Variants in DYNC1I1 observed in about 807,000 individuals in gnomAD.
DYNC1I1 encodes dynein cytoplasmic 1 intermediate chain 1.
Under a neutral mutation model 86.6 loss-of-function variants are expected in DYNC1I1, and 43 were observed. The ratio of observed to expected loss-of-function variants is 0.50; its 90% CI spans 0.39 to 0.64. The LOEUF (loss-of-function observed/expected upper bound fraction) is 0.64. Ranked by LOEUF, DYNC1I1 falls within the 30% of genes least tolerant of loss-of-function variation. DYNC1I1 has a pLI of 0.00. For synonymous variants in DYNC1I1, 262 were observed against 283.7 expected (o/e 0.92, Z 0.77); for missense variants, 604 against 788.8 (o/e 0.77, Z 2.81).
At chr7:95,903,623 C>A (rs75568996) in intron 6 of DYNC1I1, among the ~76,000 whole-genome samples, 1 of 152,172 alleles carries the variant, frequency 6.6e-6, no homozygotes, top group African/African-American at 2.4e-5. Flanking sequence ...GAAATGATAT[C>A]ATTTTATTAG....
Position 95,772,586 on chromosome 7 carries a change from G to A in DYNC1I1, c.-197G>A, listed in dbSNP as rs903729101. On this transcript the variant is annotated 5_prime_UTR_variant, in exon 1 of 17. Coordinates refer to ENST00000447467, the MANE Select transcript of DYNC1I1 (RefSeq NM_001135556.2). ...GTGCTCCGGGGAGCTGTCAGTGTCA[G>A]GCTCTGGGAGAGAGGAAGTGATCGC... 1 of 152,210 alleles carries A rather than the reference G, an allele frequency of 6.6e-6. No homozygotes were observed. Among genetic ancestry groups the A allele is most frequent in the African/African-American group, 2.4e-5 (1 of 41,442 alleles). The allele number at this position is 152,210 out of a possible 1,614,324, so 9.4% of individuals were successfully genotyped here. A position where few individuals can be genotyped will look rare whatever the true frequency, so the allele number is the denominator to read the frequency against.
intron 4 of DYNC1I1, among the ~76,000 whole-genome samples, chr7:95,820,775 G>A (rs770971950): frequency 1.1e-4 from 16 of 152,204 alleles, no homozygotes; most frequent in Non-Finnish European, 1.6e-4. Context: ...ACAGGGTCTC[G>A]CTATGTTACC....
intron 5 of DYNC1I1, among the ~76,000 whole-genome samples, chr7:95,850,458 A>G (rs1789547356): frequency 6.6e-6 from 1 of 152,176 alleles, no homozygotes; most frequent in Non-Finnish European, 1.5e-5. Flanking sequence ...ATCTATTGAA[A>G]TGATCATAAA....
At chr7:95,966,538 T>G (rs1793018248) in intron 6 of DYNC1I1, among the ~76,000 whole-genome samples, 1 of 152,200 alleles carries the variant, frequency 6.6e-6, no homozygotes, top group Non-Finnish European at 1.5e-5. Context: ...TGTTCGGTAC[T>G]GTTTAGCTGT....
chr7:95,794,206 T>C (rs571215973), intron 1 of DYNC1I1, among the ~76,000 whole-genome samples: 1 of 152,334 alleles, frequency 6.6e-6, no homozygotes, highest in African/African-American at 2.4e-5. Context: ...TCCTTTCTTC[T>C]GATTCTGTTT....
chr7:96,022,320 A>G (rs1794572512), intron 10 of DYNC1I1, among the ~76,000 whole-genome samples: 1 of 152,192 alleles, frequency 6.6e-6, no homozygotes, highest in South Asian at 2.1e-4. Context: ...ATTCCAAGGA[A>G]TTCTCAGAAA....
At chr7:95,825,215 A>T (rs1795178963) in intron 4 of DYNC1I1, among the ~76,000 whole-genome samples, 1 of 152,214 alleles carries the variant, frequency 6.6e-6, no homozygotes, top group South Asian at 2.1e-4. Flanking sequence ...TTTTAAGTGG[A>T]TGATTTGATA....
chr7:95,967,921 G>C (rs921134049), intron 6 of DYNC1I1, among the ~76,000 whole-genome samples: 29 of 152,270 alleles, frequency 1.9e-4, no homozygotes, highest in Non-Finnish European at 3.1e-4. Context: ...TGCTTGTGCG[G>C]GGGTGAACAC....
intron 1 of DYNC1I1, among the ~76,000 whole-genome samples, chr7:95,786,000 TC>T (rs1794135605): frequency 6.6e-6 from 1 of 152,058 alleles, no homozygotes; most frequent in African/African-American, 2.4e-5. Context: ...AAGTGTTAAT[TC>T]CAGTAGTTTG....
chr7:95,841,324 C>A (rs1413537530), intron 5 of DYNC1I1, among the ~76,000 whole-genome samples: 1 of 152,078 alleles, frequency 6.6e-6, no homozygotes, highest in Non-Finnish European at 1.5e-5. Flanking sequence ...CTGTTAGCTC[C>A]AAGAAACAGG....
chr7:95,974,859 C>A (rs1362596133), intron 6 of DYNC1I1, among the ~76,000 whole-genome samples: 1 of 152,158 alleles, frequency 6.6e-6, no homozygotes, highest in African/African-American at 2.4e-5. Flanking sequence ...GCAAGTCCAC[C>A]TCAAAAAGTC....
At position 96,032,732 on chromosome 7, in the gene DYNC1I1, T is replaced by C. The variant is rs1396844516; in HGVS notation, c.1182T>C (p.Thr394=). Residue 394 remains threonine (T), a synonymous_variant, in exon 12 of 17, where the codon ACT becomes ACC. Transcript: ENST00000447467. Reference sequence around the variant, plus strand: ...CTCATAACCTCATCACTGTCTCCACTGATGGCAAAATGTGTTCCTGGAGCC... The same window carrying C: ...CTCATAACCTCATCACTGTCTCCACCGATGGCAAAATGTGTTCCTGGAGCC... ...QNAHNLITVS[T]DGKMCSWSLD... 1 of 1,613,776 alleles carries C rather than the reference T, an allele frequency of 6.2e-7. No individual in the cohort carries two copies. Among genetic ancestry groups the C allele is most frequent in the East Asian group, 2.2e-5 (1 of 44,862 alleles).
intron 5 of DYNC1I1, among the ~76,000 whole-genome samples, chr7:95,833,025 T>C (rs981816786): frequency 1.4e-3 from 213 of 149,830 alleles, no homozygotes; most frequent in African/African-American, 5.1e-3. Context: ...TTTGGTGTTT[T>C]AGACATGAAG....
At chr7:95,998,263 T>A (rs1793920401) in intron 10 of DYNC1I1, among the ~76,000 whole-genome samples, 2 of 152,222 alleles carry the variant, frequency 1.3e-5, no homozygotes, top group South Asian at 2.1e-4. Context: ...ATCGCATACA[T>A]CGTGCCATCA....
chr7:95,975,513 T>G (rs1350924370), intron 6 of DYNC1I1, among the ~76,000 whole-genome samples: 1 of 152,182 alleles, frequency 6.6e-6, no homozygotes, highest in Non-Finnish European at 1.5e-5. Flanking sequence ...AATTTCCCCT[T>G]TTTATAATGG....
intron 10 of DYNC1I1, 31 bp from the exon 11 acceptor site, chr7:96,028,144 A>G: frequency 6.3e-7 from 1 of 1,575,708 alleles, no homozygotes; most frequent in Non-Finnish European, 8.7e-7. Context: ...TTCACATTGC[A>G]TCTCTCTCTC....
At chr7:96,036,469 C>CTA (rs1291805971) in intron 13 of DYNC1I1, among the ~76,000 whole-genome samples, 1 of 152,150 alleles carries the variant, frequency 6.6e-6, no homozygotes, top group Non-Finnish European at 1.5e-5. Context: ...TGGGATAGGA[C>CTA]TATAGGCTGT....
intron 6 of DYNC1I1, among the ~76,000 whole-genome samples, chr7:95,930,415 G>A (rs1791860264): frequency 6.6e-6 from 1 of 152,154 alleles, no homozygotes; most frequent in African/African-American, 2.4e-5. Flanking sequence ...ATGATGAAAA[G>A]GTTGGGCTAT....
intron 4 of DYNC1I1, among the ~76,000 whole-genome samples, chr7:95,821,581 T>C (rs2115888539): frequency 6.6e-6 from 1 of 152,192 alleles, no homozygotes; most frequent in East Asian, 1.9e-4. Flanking sequence ...AAGGAGCCAA[T>C]AGTGACCAAA....
Sources: allele counts gnomAD v4.1 joint callset (sites outside exome capture counted in the v4.1 genomes callset), GRCh38; gene constraint gnomAD v4.1.1; transcripts MANE v1.5; gene names NCBI Gene and HGNC (gene_info 2026-07-23, HGNC 2026-07-21).